BBX: variants seen among roughly 807,000 people sequenced by gnomAD.
The protein encoded by BBX is HMG box transcription factor BBX.
In BBX, 30 loss-of-function variants were observed where a neutral mutation model predicts 100.2. The ratio of observed to expected loss-of-function variants is 0.30; its 90% CI spans 0.22 to 0.41. The LOEUF (loss-of-function observed/expected upper bound fraction) is 0.41. BBX is among the 10% of genes least tolerant of loss of function. The pLI is 1.00. For synonymous variants in BBX, 376 were observed against 388.1 expected (o/e 0.97, Z 0.37); for missense variants, 1,023 against 1,129.8 (o/e 0.91, Z 1.35).
intron 3 of BBX, among the ~76,000 whole-genome samples, chr3:107,664,146 A>C (rs552389073): frequency 5.9e-5 from 9 of 152,090 alleles, no homozygotes; most frequent in African/African-American, 1.4e-4. Context: ...TTGTCATTGG[A>C]AATAAAGCAG....
intron 3 of BBX, among the ~76,000 whole-genome samples, chr3:107,696,217 G>T (rs1482365308): frequency 6.6e-6 from 1 of 151,800 alleles, no homozygotes; most frequent in Non-Finnish European, 1.5e-5. Flanking sequence ...ATATTGTTAT[G>T]TGTGAATTTG....
intron 2 of BBX, among the ~76,000 whole-genome samples, chr3:107,564,527 A>G (rs2050734865): frequency 6.6e-6 from 1 of 152,116 alleles, no homozygotes; most frequent in Non-Finnish European, 1.5e-5. Context: ...TCTGCAATTT[A>G]TTGTTAATGT....
intron 3 of BBX, among the ~76,000 whole-genome samples, chr3:107,650,932 T>A (rs1198081560): frequency 6.6e-6 from 1 of 152,220 alleles, no homozygotes; most frequent in East Asian, 1.9e-4. Flanking sequence ...TCCTGGCTTG[T>A]ACCACCAGAA....
At chr3:107,667,876 G>A (rs1159317678) in intron 3 of BBX, among the ~76,000 whole-genome samples, 5 of 151,942 alleles carry the variant, frequency 3.3e-5, no homozygotes, top group African/African-American at 1.2e-4. Flanking sequence ...ATTTTGTCTC[G>A]TAGTTTGTAT....
At position 107,611,537 on chromosome 3, in the gene BBX, C is replaced by T. The variant is rs77564975; in HGVS notation, c.-83-34299C>T. 2.0e-4 allele frequency among the ~76,000 whole-genome samples: 31 copies of T among 152,122 alleles called. No homozygotes were observed. The East Asian group carries it at 5.8e-3, about 28-fold the overall frequency. On this transcript the variant is annotated intron_variant, in intron 2 of 17. Coordinates refer to ENST00000325805, the MANE Select transcript of BBX (RefSeq NM_001142568.3). ...AGTGTAAAAGTTTTTTGTCTTAAGCCCTTTAAATATGTCATGCCACTCTCT... is the reference window on the plus strand; with the variant it reads ...AGTGTAAAAGTTTTTTGTCTTAAGCTCTTTAAATATGTCATGCCACTCTCT...
At chr3:107,801,958 A>G (rs1230388051) in intron 17 of BBX, among the ~76,000 whole-genome samples, 1 of 152,240 alleles carries the variant, frequency 6.6e-6, no homozygotes, top group Non-Finnish European at 1.5e-5. Context: ...TCGCCAAAGA[A>G]TTACGAAGTT....
intron 8 of BBX, 71 bp from the exon 9 acceptor site, chr3:107,747,894 A>G: frequency 7.6e-7 from 1 of 1,318,120 alleles, no homozygotes; most frequent in Non-Finnish European, 1.1e-6. Context: ...AGTTGAAAAT[A>G]TATGGCAGAA....
chr3:107,757,373 A>T (rs1373007515), intron 10 of BBX, among the ~76,000 whole-genome samples: 2 of 152,164 alleles, frequency 1.3e-5, no homozygotes, highest in Non-Finnish European at 2.9e-5. Flanking sequence ...ATGCATCCCA[A>T]ATATGAAACA....
At position 107,732,939 on chromosome 3, in the gene BBX, G is replaced by C; in HGVS notation, c.602-17G>C. ...CTTTATGCTTATAAGTTGGTGATTTGTTTTTGACTTATTTAGATCCTACTC... is the reference window on the plus strand; with the variant it reads ...CTTTATGCTTATAAGTTGGTGATTTCTTTTTGACTTATTTAGATCCTACTC... On this transcript the variant is annotated splice_polypyrimidine_tract_variant and intron_variant, in intron 6 of 17. Transcript: ENST00000325805. 2 of 1,608,824 alleles carry C rather than the reference G, an allele frequency of 1.2e-6. No individual in the cohort carries two copies. The highest frequency in any genetic ancestry group is 2.2e-5 in the East Asian group (1 of 44,706).
In BBX at chr3:107,773,027, A is replaced by G. The variant is rs910591773; in HGVS notation, c.1306A>G (p.Met436Val). The change falls in exon 11 of 18, where the codon ATG (methionine) becomes GTG (valine). Residue 436 changes from methionine to valine, a missense_variant. By Grantham distance (21) the Met-to-Val change is conservative (BLOSUM62 1). This residue lies in a region of BBX where 348 missense variants were observed against 353.2 expected (regional missense o/e 0.99). Coordinates refer to ENST00000325805, the MANE Select transcript of BBX (RefSeq NM_001142568.3). This position sits in a 1 kb window ranked among gnomAD's most constrained non-coding sequence, Gnocchi z 4.1. ...TCATATGTGCCATCCTCATGGAATT[A>G]TGATCATTGAGGATCCCGCAGCATT... ...KDHMCHPHGI[M>V]IIEDPAALNK... 1 of 1,614,128 alleles carries G rather than the reference A, an allele frequency of 6.2e-7. No homozygotes were observed. The highest frequency in any genetic ancestry group is 8.5e-7 in the Non-Finnish European group (1 of 1,180,008).
chr3:107,781,216 G>C lies in BBX; in HGVS notation c.2203+2697G>C, dbSNP rs1344216461. Among the ~76,000 whole-genome samples, 4 of 152,024 alleles carry C rather than the reference G, an allele frequency of 2.6e-5. No homozygotes were observed. The East Asian group carries it at 5.8e-4, about 22-fold the overall frequency. On this transcript the variant is annotated intron_variant, in intron 13 of 17. Transcript: ENST00000325805. ...CCCAGTAGTCTCCATATTCGTATCT[G>C]TATTTCTAAGGAGTCTCTTCCTGTC...
chr3:107,701,496 T>A (rs1169182659), intron 3 of BBX, among the ~76,000 whole-genome samples: 1 of 152,242 alleles, frequency 6.6e-6, no homozygotes, highest in African/African-American at 2.4e-5. Context: ...TTTGTGATGA[T>A]GAAGCAATAT....
At position 107,782,076 on chromosome 3, in the gene BBX, C is replaced by T. The variant is rs370426809; in HGVS notation, c.2203+3557C>T. ...TTCTCCATAACTGTTTGAAAGTCTC[C>T]GCTGCCACCAGATTTCTACAGGAAT... On this transcript the variant is annotated intron_variant, in intron 13 of 17. Coordinates refer to ENST00000325805, the MANE Select transcript of BBX (RefSeq NM_001142568.3). Among the ~76,000 whole-genome samples the T allele has an allele frequency of 8.5e-5, 13 of 152,208 alleles. No homozygotes were observed. In the East Asian group the frequency reaches 1.7e-3, roughly 20 times the overall value.
intron 13 of BBX, among the ~76,000 whole-genome samples, chr3:107,787,433 C>T (rs1398788674): frequency 6.6e-6 from 1 of 151,982 alleles, no homozygotes; most frequent in African/African-American, 2.4e-5. Context: ...ATGAAATTTC[C>T]AGAATAGGCA....
Position 107,774,791 on chromosome 3 carries a change from G to C in BBX, c.1988G>C (p.Ser663Thr), listed in dbSNP as rs1414866264. The C allele has an allele frequency of 6.2e-7, 1 of 1,613,620 alleles. No homozygotes were observed. The change falls in exon 12 of 18, where the codon AGT (serine) becomes ACT (threonine). Residue 663 changes from serine to threonine, a missense_variant. Transcript: ENST00000325805. ...TGGAATGAAGAAAGCTGGACATTTA[G>C]TCAGAGTGGGACCAGTGGGAGCAAG... ...GCWNEESWTF[S>T]QSGTSGSKKF...
intron 2 of BBX, among the ~76,000 whole-genome samples, chr3:107,551,244 C>T (rs1026448643): frequency 1.3e-5 from 2 of 152,160 alleles, no homozygotes; most frequent in African/African-American, 4.8e-5. Flanking sequence ...AGAGGAAATA[C>T]AGAAGTAGCC....
In BBX at chr3:107,773,977, A is replaced by G. The variant is rs2067117497; in HGVS notation, c.1915+341A>G. ...AGGTTTGGTTTTGAAAACTGGTGGA[A>G]TTTCGAGAATCAAGCACGTATGTTT... is the stretch of plus-strand genomic sequence containing the variant. On this transcript the variant is annotated intron_variant, in intron 11 of 17. Transcript: ENST00000325805. This position sits in a 1 kb window ranked among gnomAD's most constrained non-coding sequence, Gnocchi z 4.1. 6.6e-6 allele frequency among the ~76,000 whole-genome samples: 1 copy of G among 152,134 alleles called. No individual in the cohort carries two copies. Among genetic ancestry groups the G allele is most frequent in the South Asian group, 2.1e-4 (1 of 4,830 alleles).
chr3:107,614,885 T>G (rs1386505081), intron 2 of BBX, among the ~76,000 whole-genome samples: 1 of 152,164 alleles, frequency 6.6e-6, no homozygotes, highest in Non-Finnish European at 1.5e-5. Flanking sequence ...TTGGAGAAAC[T>G]AGAAAAATCT....
chr3:107,688,137 G>A (rs1299623885), intron 3 of BBX, among the ~76,000 whole-genome samples: 3 of 152,086 alleles, frequency 2.0e-5, no homozygotes, highest in African/African-American at 7.2e-5. Flanking sequence ...GACCATTTCT[G>A]TATGAATGCC....
Sources: gnomAD v4.1 joint callset for allele counts (sites outside exome capture counted in the v4.1 genomes callset) on GRCh38, gnomAD v4.1.1 for gene constraint, gnomAD v4.1.1 regional missense constraint, Gnocchi (gnomAD v3.1) non-coding constraint, MANE v1.5 for transcripts, NCBI Gene and HGNC (gene_info 2026-07-23, HGNC 2026-07-21) for gene names.